The following MGAM variants were observed in gnomAD, a reference collection of about 807,000 sequenced individuals.
The protein encoded by MGAM is maltase-glucoamylase, also known as alpha-1,4-glucosidase.
Under a neutral mutation model 358.8 loss-of-function variants are expected in MGAM, and 253 were observed. The ratio of observed to expected loss-of-function variants is 0.71; its 90% CI spans 0.64 to 0.78. MGAM has a LOEUF of 0.78. Ranked by LOEUF, MGAM falls within the 30% of genes least tolerant of loss-of-function variation. MGAM has a pLI of 0.00. For missense variants in MGAM, 3,080 were observed against 3,432.6 expected, an observed-to-expected ratio of 0.90 and a Z score of 2.57; for synonymous variants, 1,105 against 1,227.1, an observed-to-expected ratio of 0.90 and a Z score of 2.08.
intron 27 of MGAM, 127 bp from the exon 28 acceptor site, chr7:142,055,429 TCA>T: frequency 9.0e-7 from 1 of 1,109,980 alleles, no homozygotes; most frequent in South Asian, 1.3e-5. Context: ...AAATTGAGTT[TCA>T]GTTTTGTTTG....
At chr7:142,091,836 G>T (rs1358245887) in intron 57 of MGAM, 77 bp from the exon 58 acceptor site, 2 of 1,352,010 alleles carry the variant, frequency 1.5e-6, no homozygotes, top group African/African-American at 2.8e-5. Context: ...ATTTGTGCGA[G>T]TTGCATTCTC....
intron 70 of MGAM, among the ~76,000 whole-genome samples, chr7:142,104,932 C>A (rs547939938): frequency 6.6e-6 from 1 of 152,134 alleles, no homozygotes; most frequent in Non-Finnish European, 1.5e-5. Context: ...AAGCCTGAAA[C>A]AAAAGTTTTC....
intron 8 of MGAM, among the ~76,000 whole-genome samples, chr7:142,026,141 AC>A (rs1806945293): frequency 6.6e-6 from 1 of 152,142 alleles, no homozygotes; most frequent in African/African-American, 2.4e-5. Context: ...TAATGACACA[AC>A]TTTTAAGAAT....
chr7:142,088,437 C>CTATG lies in MGAM; in HGVS notation c.6810+1743_6810+1746dup, dbSNP rs75555022. On this transcript the variant is annotated intron_variant, in intron 57 of 70. Coordinates refer to ENST00000475668, the MANE Select transcript of MGAM (RefSeq NM_001365693.1). ...TATCTATGTATATCCATGTACCCAT[C>CTATG]TATGTATGTATGTATGTATGTATGT... is the stretch of plus-strand genomic sequence containing the variant. Among the ~76,000 whole-genome samples the CTATG allele has an allele frequency of 5.6e-3, 788 of 139,666 alleles. 99 individuals carry two copies. Among genetic ancestry groups the CTATG allele is most frequent in the Admixed American group, 9.9e-3 (138 of 13,928 alleles). 91.6% of individuals were successfully genotyped at this position (139,666 alleles called of 152,430 possible). A position where few individuals can be genotyped will look rare whatever the true frequency, so the allele number is the denominator to read the frequency against.
rs755606906 is a variant in MGAM at position 142,092,526 on chromosome 7, G to C, written c.6951G>C (p.Met2317Ile). ...TCTGTGTTTGGCATTTCTAGGATAT[G>C]AATGAACCATCAAGCTTCGTGAATG... ...SLKFDGMWID[M>I]NEPSSFVNGA... Residue 2317 changes from methionine (M) to isoleucine (I), a missense_variant, in exon 59 of 71, where the codon ATG becomes ATC. Met to Ile is a conservative substitution (Grantham distance 10, BLOSUM62 1). Coordinates refer to ENST00000475668, the MANE Select transcript of MGAM (RefSeq NM_001365693.1). The C allele has an allele frequency of 3.8e-5, 59 of 1,546,652 alleles. 11 individuals are homozygous for C. Among genetic ancestry groups the C allele is most frequent in the African/African-American group, 6.7e-5 (5 of 74,480 alleles).
chr7:142,061,372 G>A (rs746854082), intron 34 of MGAM, among the ~76,000 whole-genome samples: 31 of 152,150 alleles, frequency 2.0e-4, no homozygotes, highest in Non-Finnish European at 2.8e-4. Flanking sequence ...TCTCTTTGTC[G>A]GGTTTCCTGG....
At position 142,065,632 on chromosome 7, in the gene MGAM, C is replaced by T. The variant is rs377597523; in HGVS notation, c.4653+10C>T. The stretch of plus-strand genomic sequence containing the variant: ...CTTTGGCATATCCTATGTGAGTGTC[C>T]TTGGGATCCTCCTAAGCACCAAGAA... On this transcript the variant is annotated intron_variant, in intron 39 of 70. Transcript: ENST00000475668. 6.8e-6 allele frequency: 11 copies of T among 1,613,398 alleles called. No individual in the cohort carries two copies. The highest frequency in any genetic ancestry group is 2.2e-5 in the East Asian group (1 of 44,836).
chr7:142,103,393 G>C lies in MGAM; in HGVS notation c.8138G>C (p.Ser2713Thr). 6.2e-7 allele frequency: 1 copy of C among 1,612,554 alleles called. No individual in the cohort carries two copies. Among genetic ancestry groups the C allele is most frequent in the Admixed American group, 1.7e-5 (1 of 59,700 alleles). The change falls in exon 70 of 71, where the codon AGT becomes ACT. Residue 2713 changes from serine to threonine, a missense_variant. Around this residue, in one of 5 missense-constraint regions of MGAM, gnomAD observed 194 missense variants for 172.8 expected, o/e 1.12. Transcript: ENST00000475668. ...GTTACCAGTGTCAGCATCTCTGTGA[G>C]TGGCATGGTCATAACACCCTCCTTC... ...VPVTSVSISV[S>T]GMVITPSFNN... is the part of the protein sequence containing the mutation.
chr7:142,017,255 T>G (rs1158588169), intron 3 of MGAM, among the ~76,000 whole-genome samples: 1 of 152,220 alleles, frequency 6.6e-6, no homozygotes, highest in South Asian at 2.1e-4. Context: ...TCTCTTAAAT[T>G]TTTAATTCTC....
chr7:142,065,684 A>G (rs1346671695), intron 39 of MGAM, 31 bp from the exon 40 acceptor site: 4 of 1,609,314 alleles, frequency 2.5e-6, no homozygotes, highest in Non-Finnish European at 3.4e-6. Context: ...AGAAATCATC[A>G]GCAGGCTCCT....
At chr7:141,989,095 TGTGTGTG>T (rs1584875625) in intron 2 of MGAM, among the ~76,000 whole-genome samples, 1 of 150,060 alleles carries the variant, frequency 6.7e-6, no homozygotes, top group East Asian at 2.0e-4. Flanking sequence ...AGTGTGTGTG[TGTGTGTG>T]TGTGTGTATG....
At chr7:142,093,734 A>G (rs988608316) in intron 60 of MGAM, among the ~76,000 whole-genome samples, 184 bp downstream of exon 60, 2 of 146,438 alleles carry the variant, frequency 1.4e-5, no homozygotes, top group African/African-American at 4.9e-5. Flanking sequence ...GATTAAAAGG[A>G]GGAGGACAGA....
chr7:142,052,205 TA>T (rs1230420744), intron 24 of MGAM, 88 bp from the exon 25 acceptor site: 1 of 1,122,724 alleles, frequency 8.9e-7, no homozygotes, highest in Non-Finnish European at 1.2e-6. Flanking sequence ...GTCTAATTTC[TA>T]TTTTTTTTTT....
chr7:142,048,501 T>A (rs1810619953), intron 22 of MGAM, among the ~76,000 whole-genome samples: 1 of 52,592 alleles, frequency 1.9e-5, no homozygotes. Context: ...GTTTCAAGAC[T>A]GTTCCCGTAA....
intron 24 of MGAM, among the ~76,000 whole-genome samples, chr7:142,051,300 A>G (rs1483482303): frequency 6.6e-6 from 1 of 152,012 alleles, no homozygotes; most frequent in Admixed American, 6.6e-5. Flanking sequence ...TTTAATTCTC[A>G]AGCAGTCTCA....
chr7:142,061,029 A>G (rs1812141986), intron 34 of MGAM, among the ~76,000 whole-genome samples: 1 of 152,110 alleles, frequency 6.6e-6, no homozygotes, highest in South Asian at 2.1e-4. Context: ...CCGATTGACT[A>G]AGCATTTCTT....
intron 21 of MGAM, among the ~76,000 whole-genome samples, chr7:142,041,910 TATATACGTATAATATATAATA>T (rs1808658451): frequency 4.3e-5 from 3 of 69,286 alleles, no homozygotes; most frequent in Non-Finnish European, 6.8e-5. Flanking sequence ...ATATATTATA[TATATACGTATAATATATAATA>T]TATATATTAT....
intron 43 of MGAM, among the ~76,000 whole-genome samples, chr7:142,070,555 G>C (rs6959679): frequency 0.012 from 1,781 of 146,102 alleles, 96 homozygotes; most frequent in African/African-American, 0.041. Context: ...GGGGTGAGGA[G>C]GCTATGCGGC....
chr7:142,076,700 C>T lies in MGAM; in HGVS notation c.5367C>T (p.Asp1789=). 1 of 1,551,710 alleles carries T rather than the reference C, an allele frequency of 6.4e-7. No individual in the cohort carries two copies. The highest frequency in any genetic ancestry group is 1.1e-5 in the South Asian group (1 of 88,958). The change falls in exon 47 of 71, where the codon GAC becomes GAT. Residue 1789 remains aspartate, a synonymous_variant. Coordinates refer to ENST00000475668, the MANE Select transcript of MGAM (RefSeq NM_001365693.1). ...EVTISQSTYK[D]PNNLAFNEIK... is the part of the protein sequence containing the mutation. ...CTATTTCACAATCAACCTACAAGGACCCCAATAATTTAGCATTCAATGAGA... is the reference window on the plus strand; with the variant it reads ...CTATTTCACAATCAACCTACAAGGATCCCAATAATTTAGCATTCAATGAGA...
Sources: allele counts gnomAD v4.1 joint callset (sites outside exome capture counted in the v4.1 genomes callset), GRCh38; gene constraint gnomAD v4.1.1; regional missense constraint gnomAD v4.1.1; transcripts MANE v1.5; gene names NCBI Gene and HGNC (gene_info 2026-07-23, HGNC 2026-07-21).